SYTL3: variants seen among roughly 807,000 people sequenced by gnomAD.
The protein encoded by SYTL3 is synaptotagmin like 3.
Under a neutral mutation model 82.1 loss-of-function variants are expected in SYTL3, and 88 were observed. The observed-to-expected ratio is 1.07, with a 90% confidence interval of 0.90 to 1.28. The LOEUF (loss-of-function observed/expected upper bound fraction) is 1.28, where lower values mean the gene tolerates loss of function less well. SYTL3 is among the 50% of genes most tolerant of loss of function. The pLI, the probability that SYTL3 is intolerant of heterozygous loss-of-function variation, is 0.00. For missense variants in SYTL3, 831 were observed against 757.6 expected (o/e 1.10, Z -1.14); for synonymous variants, 311 against 289.4 (o/e 1.07, Z -0.76).
At chr6:158,734,255 A>G (rs765157545) in intron 11 of SYTL3, among the ~76,000 whole-genome samples, 1 of 152,048 alleles carries the variant, frequency 6.6e-6, no homozygotes, top group Non-Finnish European at 1.5e-5. Context: ...TTGGGATGAG[A>G]CTGTGCCTTC....
chr6:158,704,431 C>T (rs368801493), intron 6 of SYTL3, among the ~76,000 whole-genome samples: 17 of 152,314 alleles, frequency 1.1e-4, no homozygotes, highest in East Asian at 9.7e-4. Flanking sequence ...AGCGGGGACG[C>T]GGGGGATTTG....
Position 158,764,577 on chromosome 6 carries a change from G to A in SYTL3, c.1806G>A (p.Trp602Ter), listed in dbSNP as rs572621297. Residue 602 changes from tryptophan (W) to a stop codon, truncating the protein, a stop_gained, in exon 18 of 18, where the codon TGG becomes TGA. Transcript: ENST00000611299. LOFTEE classifies it high-confidence loss of function. ...WQKVLSSPNLWTDMTLVLH is the reference protein window; with the variant it reads ...WQKVLSSPNL ...AAGTCCTTTCCAGCCCCAATCTATG[G>A]ACAGACATGACTCTTGTCCTGCACT... 9.3e-6 allele frequency: 15 copies of A among 1,614,020 alleles called. No individual in the cohort carries two copies. In the South Asian group the frequency reaches 1.5e-4, roughly 17 times the overall value.
At chr6:158,746,671 G>C (rs1007530480) in intron 12 of SYTL3, among the ~76,000 whole-genome samples, 5 of 151,554 alleles carry the variant, frequency 3.3e-5, no homozygotes, top group African/African-American at 1.2e-4. Context: ...TCACCATATT[G>C]GCCAGGCTGG....
intron 11 of SYTL3, among the ~76,000 whole-genome samples, chr6:158,732,437 G>A (rs1472954086): frequency 6.6e-6 from 1 of 152,242 alleles, no homozygotes; most frequent in Admixed American, 6.5e-5. Context: ...ACTGTTACGC[G>A]TGTGCGCACG....
chr6:158,735,918 G>A (rs980972165), intron 11 of SYTL3, among the ~76,000 whole-genome samples: 2 of 152,166 alleles, frequency 1.3e-5, no homozygotes, highest in African/African-American at 4.8e-5. Flanking sequence ...GCTTTTACTT[G>A]TTCTCTTTAG....
intron 12 of SYTL3, among the ~76,000 whole-genome samples, chr6:158,749,407 AAAAG>A (rs1482462365): frequency 0.1 from 13,691 of 136,118 alleles, 885 homozygotes; most frequent in Non-Finnish European, 0.15. Flanking sequence ...AAAAAAAAAA[AAAAG>A]AAAGAAAAAA....
At chr6:158,683,170 A>G (rs981431698) in intron 6 of SYTL3, among the ~76,000 whole-genome samples, 181 bp downstream of exon 6, 11 of 134,082 alleles carry the variant, frequency 8.2e-5, no homozygotes, top group Non-Finnish European at 1.2e-4. Flanking sequence ...TCTGCTCGCT[A>G]CTCTTCCCTC....
In SYTL3 at chr6:158,725,629, T is replaced by A. The variant is rs764941576; in HGVS notation, c.847T>A (p.Phe283Ile). ...PAPSTIFSGG[F>I]RHGSLISIDS... ...ACCCAGTACCATATTCTCTGGAGGT[T>A]TTAGACACGTGAGTCTCATTCCAAT... is the stretch of plus-strand genomic sequence containing the variant. The change falls in exon 11 of 18, where the codon TTT becomes ATT. Residue 283 changes from phenylalanine to isoleucine, a missense_variant. By Grantham distance (21) the Phe-to-Ile change is conservative. Transcript: ENST00000611299. 1.9e-6 allele frequency: 3 copies of A among 1,613,766 alleles called. No homozygotes were observed. The South Asian group carries it at 3.3e-5, about 18-fold the overall frequency.
rs370901403 is a variant in SYTL3, at chr6:158,738,877, T to C, written c.856-6603T>C. 2.0e-5 allele frequency among the ~76,000 whole-genome samples: 3 copies of C among 152,206 alleles called. No individual in the cohort carries two copies. The South Asian group carries it at 6.2e-4, about 31-fold the overall frequency. ...TTCGCCATGTTGGCCAGGCTGGTCT[T>C]GAACTCTTGACCTCTAGCGATCCAC... On this transcript the variant is annotated intron_variant, in intron 11 of 17. Transcript: ENST00000611299.
chr6:158,713,872 G>A lies in SYTL3; in HGVS notation c.589G>A (p.Val197Met), dbSNP rs2128463953. The A allele has an allele frequency of 6.5e-7, 1 of 1,549,524 alleles. No individual in the cohort carries two copies. Among genetic ancestry groups the A allele is most frequent in the South Asian group, 1.2e-5 (1 of 84,022 alleles). ...TTTGTTTCTGTCTCTTGCTACCCAC[G>A]TGAAAAGTAAGTGCATGCTTCATGA... ...ENLFLSLATHVKKLSKSQNDM... is the reference protein window; with the variant it reads ...ENLFLSLATHMKKLSKSQNDM... Residue 197 changes from valine (V) to methionine (M), a missense_variant, in exon 9 of 18, where the codon GTG becomes ATG. Physicochemically the swap from Val to Met is conservative, Grantham distance 21. Coordinates refer to ENST00000611299, the MANE Select transcript of SYTL3 (RefSeq NM_001242394.2).
chr6:158,668,703 G>A (rs2128376912), intron 5 of SYTL3, among the ~76,000 whole-genome samples: 1 of 152,328 alleles, frequency 6.6e-6, no homozygotes, highest in Non-Finnish European at 1.5e-5. Context: ...TTGCTGCAGT[G>A]AATGAGAGGC....
intron 13 of SYTL3, among the ~76,000 whole-genome samples, chr6:158,753,032 G>A (rs1788582572): frequency 1.3e-5 from 2 of 150,026 alleles, no homozygotes; most frequent in African/African-American, 4.9e-5. Flanking sequence ...ATTTGTGTGC[G>A]TAAAATCCCA....
At position 158,665,575 on chromosome 6, in the gene SYTL3, G is replaced by A. The variant is rs751003756; in HGVS notation, c.291G>A (p.Gly97=). ...VCAQCRVFLR[G]THAWKCTVCF... ...CCCAGTGCCGAGTGTTCCTGAGGGG[G>A]ACCCATGCCTGGAAGTGCACGGTGT... The change falls in exon 5 of 18, where the codon GGG becomes GGA. Residue 97 remains glycine, a synonymous_variant. Transcript: ENST00000611299. 6.7e-5 allele frequency: 105 copies of A among 1,578,128 alleles called. No homozygotes were observed. Among genetic ancestry groups the A allele is most frequent in the Non-Finnish European group, 8.9e-5 (104 of 1,162,426 alleles).
intron 5 of SYTL3, among the ~76,000 whole-genome samples, chr6:158,666,636 A>G (rs1790092857): frequency 6.6e-6 from 1 of 152,186 alleles, no homozygotes; most frequent in Non-Finnish European, 1.5e-5. Flanking sequence ...AACAACTTCT[A>G]AATATTGCCA....
intron 4 of SYTL3, chr6:158,663,652 G>C: frequency 3.1e-6 from 3 of 971,932 alleles, no homozygotes; most frequent in Non-Finnish European, 3.7e-6. Flanking sequence ...CCATCTGCTT[G>C]TCTGTTTGCC....
Position 158,760,754 on chromosome 6 carries a change from C to T in SYTL3, c.1414+9C>T, listed in dbSNP as rs1167282636. 6.3e-6 allele frequency: 10 copies of T among 1,594,860 alleles called. No individual in the cohort carries two copies. Among genetic ancestry groups the T allele is most frequent in the Admixed American group, 1.7e-5 (1 of 59,994 alleles). On this transcript the variant is annotated intron_variant, in intron 15 of 17. Coordinates refer to ENST00000611299, the MANE Select transcript of SYTL3 (RefSeq NM_001242394.2). Reference sequence around the variant, plus strand: ...CCAAGAGGCTCAAGAAGGTCAGTGGCCTCCAGCTCCCTGGACATTGTCTGT... The same window carrying T: ...CCAAGAGGCTCAAGAAGGTCAGTGGTCTCCAGCTCCCTGGACATTGTCTGT...
chr6:158,733,633 A>G lies in SYTL3; in HGVS notation c.855+7996A>G, dbSNP rs532629152. The stretch of plus-strand genomic sequence containing the variant: ...TGAGCCACCGTGCCCGGCCACCTCT[A>G]CCTATTTTAAAAAGTTTTAAGTTGT... On this transcript the variant is annotated intron_variant, in intron 11 of 17. Transcript: ENST00000611299. Among the ~76,000 whole-genome samples the G allele has an allele frequency of 2.0e-5, 3 of 151,254 alleles. No homozygotes were observed. The South Asian group carries it at 6.3e-4, about 32-fold the overall frequency.
At chr6:158,762,895 C>A (rs575816441) in intron 16 of SYTL3, among the ~76,000 whole-genome samples, 1 of 152,012 alleles carries the variant, frequency 6.6e-6, no homozygotes, top group Non-Finnish European at 1.5e-5. Context: ...CCAGCCTGGG[C>A]GACAGAACAA....
intron 6 of SYTL3, among the ~76,000 whole-genome samples, chr6:158,693,876 A>G (rs1361839600): frequency 3.4e-5 from 1 of 29,082 alleles, no homozygotes; most frequent in South Asian, 1.1e-3. Flanking sequence ...TTTTTTTTGT[A>G]GATACAGGGT....
Sources: gnomAD v4.1 joint callset for allele counts (sites outside exome capture counted in the v4.1 genomes callset) on GRCh38, gnomAD v4.1.1 for gene constraint, MANE v1.5 for transcripts, NCBI Gene and HGNC (gene_info 2026-07-23, HGNC 2026-07-21) for gene names.